PHKB: variants seen among roughly 807,000 people sequenced by gnomAD.
PHKB encodes phosphorylase kinase regulatory subunit beta.
A neutral mutation model predicts 152.1 loss-of-function variants in PHKB; 122 were observed. That is an observed-to-expected ratio of 0.80 (90% CI 0.69 to 0.93). PHKB has a LOEUF of 0.93. Among genes scored for constraint, PHKB ranks in the 40% least tolerant of loss-of-function variants. The probability of loss-of-function intolerance (pLI) is 0.00; values close to 1 mark genes in which losing one functional copy is unlikely to be tolerated. For synonymous variants in PHKB, 436 were observed against 464.9 expected (o/e 0.94, Z 0.80); for missense variants, 1,304 against 1,328.4 (o/e 0.98, Z 0.29).
At chr16:47,673,272 C>T (rs751920157) in intron 26 of PHKB, among the ~76,000 whole-genome samples, 2 of 151,870 alleles carry the variant, frequency 1.3e-5, no homozygotes, top group African/African-American at 2.4e-5. Flanking sequence ...GTTTAACATA[C>T]GGTATATAAG....
intron 13 of PHKB, chr16:47,598,840 T>C (rs2151703021): frequency 6.2e-7 from 1 of 1,605,918 alleles, no homozygotes; most frequent in Admixed American, 1.7e-5. Flanking sequence ...CATAGCCAGC[T>C]TCTCATTTGT....
intron 6 of PHKB, among the ~76,000 whole-genome samples, chr16:47,526,766 A>G (rs767631683): frequency 6.6e-6 from 1 of 152,254 alleles, no homozygotes; most frequent in African/African-American, 2.4e-5. Flanking sequence ...ATTGGTGAGC[A>G]GTTTTTAGCC....
Position 47,660,492 on chromosome 16 carries a change from C to T in PHKB, c.1972-14C>T, listed in dbSNP as rs1428629775. On this transcript the variant is annotated splice_polypyrimidine_tract_variant and intron_variant, in intron 20 of 30. Coordinates refer to ENST00000323584, the MANE Select transcript of PHKB (RefSeq NM_000293.3). ...GTATCTAAGAGTTTCTAATCTTTTT[C>T]GATCACGTTTCAGACACTAATATCT... 4.4e-6 allele frequency: 7 copies of T among 1,607,748 alleles called. No individual in the cohort carries two copies. The highest frequency in any genetic ancestry group is 3.3e-5 in the Admixed American group (2 of 59,980).
At chr16:47,634,867 T>C (rs572229775) in intron 14 of PHKB, among the ~76,000 whole-genome samples, 11 of 152,202 alleles carry the variant, frequency 7.2e-5, no homozygotes, top group Non-Finnish European at 1.6e-4. Context: ...GTTATCATTT[T>C]ACAGGAAGTT....
intron 7 of PHKB, among the ~76,000 whole-genome samples, chr16:47,548,807 G>A (rs1971220645): frequency 6.6e-6 from 1 of 152,056 alleles, no homozygotes; most frequent in African/African-American, 2.4e-5. Flanking sequence ...TTTCTCATCT[G>A]TAAAATAAAG....
chr16:47,497,363 T>C (rs1196202694), intron 1 of PHKB, 36 bp from the exon 2 acceptor site: 3 of 1,270,778 alleles, frequency 2.4e-6, no homozygotes, highest in South Asian at 2.4e-5. Flanking sequence ...TTTGTGAAAA[T>C]GACTGAATTT....
At chr16:47,486,577 A>T (rs1345146851) in intron 1 of PHKB, among the ~76,000 whole-genome samples, 1 of 152,186 alleles carries the variant, frequency 6.6e-6, no homozygotes, top group African/African-American at 2.4e-5. Context: ...TAGTTTGCTG[A>T]TAGACTGTAT....
chr16:47,559,372 C>A (rs1316750640), intron 7 of PHKB, among the ~76,000 whole-genome samples: 1 of 152,094 alleles, frequency 6.6e-6, no homozygotes, highest in Non-Finnish European at 1.5e-5. Flanking sequence ...TTTCCAGTTA[C>A]CTATTGTTGC....
At chr16:47,527,482 A>G (rs145961700) in intron 6 of PHKB, among the ~76,000 whole-genome samples, 1 of 152,304 alleles carries the variant, frequency 6.6e-6, no homozygotes, top group East Asian at 1.9e-4. Flanking sequence ...AATATTCACA[A>G]TGAAAAGGAG....
At chr16:47,477,052 G>T (rs565769308) in intron 1 of PHKB, among the ~76,000 whole-genome samples, 6 of 152,262 alleles carry the variant, frequency 3.9e-5, no homozygotes, top group African/African-American at 1.4e-4. Context: ...AGTTCCCTCT[G>T]TATTAAATAG....
At chr16:47,685,697 T>G (rs993734390) in intron 26 of PHKB, among the ~76,000 whole-genome samples, 1 of 152,150 alleles carries the variant, frequency 6.6e-6, no homozygotes, top group Non-Finnish European at 1.5e-5. Context: ...ATAAAAAGAT[T>G]AGTTTGACCA....
At chr16:47,566,870 A>C (rs757679781) in intron 7 of PHKB, 4 of 700,320 alleles carry the variant, frequency 5.7e-6, no homozygotes, top group East Asian at 5.3e-5. Flanking sequence ...TCCCCTTCTT[A>C]TTCTTCTTTT....
intron 6 of PHKB, among the ~76,000 whole-genome samples, chr16:47,520,878 T>C (rs1970674080): frequency 6.6e-6 from 1 of 152,198 alleles, no homozygotes; most frequent in African/African-American, 2.4e-5. Context: ...TTAAGTCTCA[T>C]TTATCTAATT....
rs550624746 is a variant in PHKB at position 47,552,310 on chromosome 16, G to A, written c.710+4762G>A. On this transcript the variant is annotated intron_variant, in intron 7 of 30. Coordinates refer to ENST00000323584, the MANE Select transcript of PHKB (RefSeq NM_000293.3). ...CTTCATGCAGTTTCTTCATAGTGTC[G>A]ATGGTCTTTACCATTTGGCATGTTT... Among the ~76,000 whole-genome samples the A allele has an allele frequency of 9.3e-4, 142 of 152,266 alleles. 1 individual carries two copies. The highest frequency in any genetic ancestry group is 2.9e-3 in the African/African-American group (122 of 41,558).
chr16:47,620,561 G>A (rs1407200966), intron 14 of PHKB, among the ~76,000 whole-genome samples: 2 of 152,176 alleles, frequency 1.3e-5, no homozygotes, highest in African/African-American at 4.8e-5. Context: ...CCACAGTATA[G>A]GTAATGCAGA....
At chr16:47,644,607 C>A (rs1387857791) in intron 16 of PHKB, among the ~76,000 whole-genome samples, 2 of 152,000 alleles carry the variant, frequency 1.3e-5, no homozygotes, top group East Asian at 3.8e-4. Context: ...GTTTGATTTT[C>A]CATTTAGGAA....
intron 6 of PHKB, among the ~76,000 whole-genome samples, chr16:47,546,815 C>A (rs1050692271): frequency 4.6e-5 from 7 of 152,200 alleles, no homozygotes; most frequent in South Asian, 2.1e-4. Context: ...CAATGGTGGA[C>A]CCCCCTCCCC....
At chr16:47,599,296 G>A (rs1276484145) in intron 13 of PHKB, among the ~76,000 whole-genome samples, 1 of 152,084 alleles carries the variant, frequency 6.6e-6, no homozygotes, top group Non-Finnish European at 1.5e-5. Flanking sequence ...CCTGGGATCT[G>A]GGATATGAAA....
chr16:47,594,360 T>C (rs1972082481), intron 12 of PHKB, 146 bp downstream of exon 12: 11 of 643,030 alleles, frequency 1.7e-5, no homozygotes, highest in Non-Finnish European at 2.8e-6. Context: ...AGAAAGAAGA[T>C]TAAGCAAGAC....
Sources: allele counts gnomAD v4.1 joint callset (sites outside exome capture counted in the v4.1 genomes callset), GRCh38; gene constraint gnomAD v4.1.1; transcripts MANE v1.5; gene names NCBI Gene and HGNC (gene_info 2026-07-23, HGNC 2026-07-21).